The following TNPO1 variants were observed in gnomAD, a reference collection of about 807,000 sequenced individuals.
TNPO1 encodes transportin-1.
In TNPO1, 8 loss-of-function variants were observed where a neutral mutation model predicts 119.5. The observed-to-expected ratio is 0.07, with a 90% CI of 0.04 to 0.12. The LOEUF (loss-of-function observed/expected upper bound fraction) is 0.12, where lower values mean the gene tolerates loss of function less well. Among genes scored for constraint, TNPO1 ranks in the 10% least tolerant of loss-of-function variants. TNPO1 has a pLI of 1.00. For missense variants in TNPO1, 576 were observed against 1,089.8 expected (o/e 0.53, Z 6.64); for synonymous variants, 362 against 363.0 (o/e 1.00, Z 0.03).
chr5:72,884,459 A>C (rs1019687929), intron 11 of TNPO1, among the ~76,000 whole-genome samples: 1 of 152,222 alleles, frequency 6.6e-6, no homozygotes, highest in African/African-American at 2.4e-5. Flanking sequence ...ATTGGCTATC[A>C]TAGGTAATTC....
At position 72,855,940 on chromosome 5, in the gene TNPO1, C is replaced by T. The variant is rs200559490; in HGVS notation, c.355+17C>T. On this transcript the variant is annotated intron_variant, in intron 4 of 24. Transcript: ENST00000337273. ...CCACTGTTGGTAAGTTATATTACAA[C>T]AGTTTTGCTTACTTTGTTTGTAACT... The T allele has an allele frequency of 1.7e-5, 28 of 1,611,342 alleles. No homozygotes were observed. Among genetic ancestry groups the T allele is most frequent in the Non-Finnish European group, 2.4e-5 (28 of 1,178,572 alleles).
intron 1 of TNPO1, among the ~76,000 whole-genome samples, chr5:72,845,048 A>T (rs1162736714): frequency 6.8e-6 from 1 of 147,466 alleles, no homozygotes; most frequent in Non-Finnish European, 1.5e-5. Context: ...TTTTTCAAAT[A>T]ACTGTATTTT....
At chr5:72,895,190 C>G (rs1237098685) in intron 18 of TNPO1, among the ~76,000 whole-genome samples, 2 of 152,164 alleles carry the variant, frequency 1.3e-5, no homozygotes, top group Admixed American at 1.3e-4. Context: ...GTGGATTTTA[C>G]TGATTGCATC....
chr5:72,880,880 A>G (rs1447473282), intron 9 of TNPO1, among the ~76,000 whole-genome samples: 1 of 151,890 alleles, frequency 6.6e-6, no homozygotes, highest in African/African-American at 2.4e-5. Flanking sequence ...AAATCTTCAC[A>G]ATTAGACCTG....
In TNPO1 at chr5:72,909,947, TA is replaced by T. The variant is rs1451572755; in HGVS notation, c.*1277del. 3 of 152,640 alleles carry T rather than the reference TA, an allele frequency of 2.0e-5. No individual in the cohort carries two copies. The highest frequency in any genetic ancestry group is 4.4e-5 in the Non-Finnish European group (3 of 68,040). The allele number at this position is 152,640 out of a possible 1,614,324, so 9.5% of individuals were successfully genotyped here. Reference sequence around the variant, plus strand: ...TGATTTTATCAAAACTTCTAAAATTTAAATTACGTGGTAAAAGATCTGTAAA... The same window carrying T: ...TGATTTTATCAAAACTTCTAAAATTTAATTACGTGGTAAAAGATCTGTAAA... On this transcript the variant is annotated 3_prime_UTR_variant, in exon 25 of 25. Coordinates refer to ENST00000337273, the MANE Select transcript of TNPO1 (RefSeq NM_002270.4).
intron 1 of TNPO1, among the ~76,000 whole-genome samples, chr5:72,826,122 G>A (rs902815028): frequency 6.6e-6 from 1 of 151,866 alleles, no homozygotes; most frequent in South Asian, 2.1e-4. Flanking sequence ...TGGCTCAATG[G>A]ACTTACCTCC....
intron 1 of TNPO1, among the ~76,000 whole-genome samples, chr5:72,845,557 G>A (rs1745093544): frequency 6.6e-6 from 1 of 152,174 alleles, no homozygotes; most frequent in Non-Finnish European, 1.5e-5. Flanking sequence ...TTAAAAAGAT[G>A]TGATAGAAAA....
chr5:72,829,734 G>T (rs1299529116), intron 1 of TNPO1, among the ~76,000 whole-genome samples: 1 of 152,170 alleles, frequency 6.6e-6, no homozygotes, highest in Non-Finnish European at 1.5e-5. Flanking sequence ...ATTGGTGTAG[G>T]ATTTCCCAGC....
At position 72,848,581 on chromosome 5, in the gene TNPO1, G is replaced by T. The variant is rs1745275891; in HGVS notation, c.129+83G>T. Reference sequence around the variant, plus strand: ...CCCCCGGCGGCCGGGGGCTCCCGTCGCCTCCGCCTCTGCCCCTCCCCCATC... The same window carrying T: ...CCCCCGGCGGCCGGGGGCTCCCGTCTCCTCCGCCTCTGCCCCTCCCCCATC... On this transcript the variant is annotated intron_variant, in intron 2 of 24. Transcript: ENST00000337273. 6.8e-6 allele frequency: 5 copies of T among 734,990 alleles called. No homozygotes were observed. The East Asian group carries it at 1.9e-4, about 27-fold the overall frequency. The allele number at this position is 734,990 out of a possible 1,614,324, so 45.5% of individuals were successfully genotyped here. A position where few individuals can be genotyped will look rare whatever the true frequency, so the allele number is the denominator to read the frequency against.
intron 14 of TNPO1, 57 bp from the exon 15 acceptor site, chr5:72,891,753 A>G: frequency 8.0e-7 from 1 of 1,242,416 alleles, no homozygotes; most frequent in Non-Finnish European, 1.2e-6. Flanking sequence ...AAGACTCAAA[A>G]TGGTCTTGTT....
chr5:72,897,587 C>T (rs193265164), intron 20 of TNPO1, among the ~76,000 whole-genome samples: 1 of 146,670 alleles, frequency 6.8e-6, no homozygotes, highest in Admixed American at 6.8e-5. Flanking sequence ...TAATTTTCTT[C>T]GAATTGGGAA....
Position 72,838,306 on chromosome 5 carries a change from C to T in TNPO1, c.16-10079C>T, listed in dbSNP as rs567079587. Among the ~76,000 whole-genome samples the T allele has an allele frequency of 4.6e-5, 7 of 152,200 alleles. No homozygotes were observed. In the South Asian group the frequency reaches 8.3e-4, roughly 18 times the overall value. The stretch of plus-strand genomic sequence containing the variant: ...CTCACTTCAGAACTTCAGGAGCAAT[C>T]GAACGGCAATAAAACAGTATACTTG... On this transcript the variant is annotated intron_variant, in intron 1 of 24. Coordinates refer to ENST00000337273, the MANE Select transcript of TNPO1 (RefSeq NM_002270.4).
At chr5:72,845,981 C>T (rs1040835393) in intron 1 of TNPO1, among the ~76,000 whole-genome samples, 1 of 152,106 alleles carries the variant, frequency 6.6e-6, no homozygotes, top group Admixed American at 6.6e-5. Flanking sequence ...CTTTAAGTTC[C>T]CCATCCCCAC....
Position 72,889,773 on chromosome 5 carries a change from T to C in TNPO1, c.1530-13T>C. The C allele has an allele frequency of 6.4e-7, 1 of 1,563,448 alleles. No homozygotes were observed. Among genetic ancestry groups the C allele is most frequent in the Non-Finnish European group, 8.6e-7 (1 of 1,161,952 alleles). On this transcript the variant is annotated splice_polypyrimidine_tract_variant and intron_variant, in intron 13 of 24. Transcript: ENST00000337273. Reference sequence around the variant, plus strand: ...ACAGTCAATAAGTATTCTTTTTTTTTTTTTTTAAACAGTGCCTTTGCTACC... The same window carrying C: ...ACAGTCAATAAGTATTCTTTTTTTTCTTTTTTAAACAGTGCCTTTGCTACC...
rs774320637 is a variant in TNPO1 at position 72,893,262 on chromosome 5, T to C, written c.1896+16T>C. ...ACAAGCCATGGTAATTTTTTTAAAATGTCTTCCTCTTCTTGACATGGTGGA... is the reference window on the plus strand; with the variant it reads ...ACAAGCCATGGTAATTTTTTTAAAACGTCTTCCTCTTCTTGACATGGTGGA... On this transcript the variant is annotated intron_variant, in intron 16 of 24. Transcript: ENST00000337273. The C allele has an allele frequency of 9.9e-6, 16 of 1,610,768 alleles. No homozygotes were observed. The highest frequency in any genetic ancestry group is 1.4e-5 in the Non-Finnish European group (16 of 1,178,624).
At chr5:72,830,838 A>G (rs1262620264) in intron 1 of TNPO1, among the ~76,000 whole-genome samples, 1 of 152,152 alleles carries the variant, frequency 6.6e-6, no homozygotes. Flanking sequence ...TTTTCTAAGA[A>G]TCAGTTTGCC....
At chr5:72,868,551 ATTTAT>A (rs1406555281) in intron 6 of TNPO1, among the ~76,000 whole-genome samples, 5 of 150,560 alleles carry the variant, frequency 3.3e-5, no homozygotes, top group Non-Finnish European at 5.9e-5. Context: ...TTGCTGTCAC[ATTTAT>A]TTTATAGTCC....
At chr5:72,834,110 C>T (rs922636534) in intron 1 of TNPO1, among the ~76,000 whole-genome samples, 3 of 152,062 alleles carry the variant, frequency 2.0e-5, no homozygotes, top group Non-Finnish European at 4.4e-5. Flanking sequence ...TGCTGTAATG[C>T]AATGCATTAC....
intron 15 of TNPO1, 72 bp from the exon 16 acceptor site, chr5:72,893,067 C>T (rs1579922254): frequency 6.1e-6 from 7 of 1,146,124 alleles, no homozygotes; most frequent in African/African-American, 1.5e-5. Flanking sequence ...TCCTGTTGAG[C>T]GCAGTTTCAA....
Sources: allele counts gnomAD v4.1 joint callset (sites outside exome capture counted in the v4.1 genomes callset), GRCh38; gene constraint gnomAD v4.1.1; transcripts MANE v1.5; gene names NCBI Gene and HGNC (gene_info 2026-07-23, HGNC 2026-07-21).